DHDDS: variants seen among roughly 807,000 people sequenced by gnomAD.
DHDDS encodes dehydrodolichyl diphosphate synthase complex subunit DHDDS.
A neutral mutation model predicts 46.2 loss-of-function variants in DHDDS; 16 were observed. The ratio of observed to expected loss-of-function variants is 0.35; its 90% CI spans 0.23 to 0.53. DHDDS has a LOEUF of 0.53. Ranked by LOEUF, DHDDS falls within the 20% of genes least tolerant of loss-of-function variation. The pLI is 0.94. For missense variants in DHDDS, 340 were observed against 423.7 expected (o/e 0.80, Z 1.73); for synonymous variants, 151 against 163.1 (o/e 0.93, Z 0.56).
intron 8 of DHDDS, among the ~76,000 whole-genome samples, chr1:26,461,387 T>C (rs2075420279): frequency 6.6e-6 from 1 of 150,894 alleles, no homozygotes; most frequent in Admixed American, 6.6e-5. Context: ...AGAATACTTT[T>C]TTTTTTTTTT....
chr1:26,450,418 A>C (rs1023154556), intron 6 of DHDDS, among the ~76,000 whole-genome samples: 3 of 152,192 alleles, frequency 2.0e-5, no homozygotes, highest in African/African-American at 7.2e-5. Context: ...AAATGCTGAG[A>C]TTACAGGTGT....
chr1:26,464,046 A>G, intron 8 of DHDDS, among the ~76,000 whole-genome samples: 1 of 138,156 alleles, frequency 7.2e-6, no homozygotes. Context: ...TCGCTGGAGA[A>G]CAGTGGCATG....
At chr1:26,462,769 A>G (rs952448224) in intron 8 of DHDDS, 7 of 152,206 alleles carry the variant, frequency 4.6e-5, no homozygotes, top group African/African-American at 1.2e-4. Flanking sequence ...CATTCATTCC[A>G]TAAGTATTTA....
chr1:26,444,807 T>G (rs2075252626), intron 4 of DHDDS, among the ~76,000 whole-genome samples: 1 of 152,076 alleles, frequency 6.6e-6, no homozygotes, highest in East Asian at 1.9e-4. Flanking sequence ...AGACAAGAGC[T>G]TACACATGGT....
rs193161008 is a variant in DHDDS, at chr1:26,457,650, C to G, written c.543-141C>G. On this transcript the variant is annotated intron_variant, in intron 6 of 8. Transcript: ENST00000236342. ...AATTTAGCAAACATTTTTTGAGGGCCTTCTGTGTAGTATTGGCTAGTGTAT... is the reference window on the plus strand; with the variant it reads ...AATTTAGCAAACATTTTTTGAGGGCGTTCTGTGTAGTATTGGCTAGTGTAT... 8.7e-4 allele frequency: 568 copies of G among 652,052 alleles called. 2 individuals carry two copies. The African/African-American group carries it at 9.7e-3, about 11-fold the overall frequency. The allele number at this position is 652,052 out of a possible 1,614,324, so 40.4% of individuals were successfully genotyped here.
Position 26,469,472 on chromosome 1 carries a change from A to AG in DHDDS, c.*344dup, listed in dbSNP as rs2075530615. On this transcript the variant is annotated 3_prime_UTR_variant, in exon 9 of 9. Transcript: ENST00000236342. ...CACATCCTTCAACACACAGAATTTC[A>AG]GGGAAGAGTTCTCCCCAAAACCCTA... 3 of 412,488 alleles carry AG rather than the reference A, an allele frequency of 7.3e-6. No individual in the cohort carries two copies. The highest frequency in any genetic ancestry group is 1.4e-5 in the Non-Finnish European group (3 of 217,882). 25.6% of individuals were successfully genotyped at this position (412,488 alleles called of 1,614,324 possible).
intron 8 of DHDDS, among the ~76,000 whole-genome samples, chr1:26,465,603 G>A (rs545694096): frequency 6.6e-6 from 1 of 152,336 alleles, no homozygotes; most frequent in Non-Finnish European, 1.5e-5. Flanking sequence ...CTACCTTGCA[G>A]GTTTGTGATA....
In DHDDS at chr1:26,470,562, C is replaced by G. The variant is rs867968139; in HGVS notation, c.*1431C>G. On this transcript the variant is annotated 3_prime_UTR_variant, in exon 9 of 9. Coordinates refer to ENST00000236342, the MANE Select transcript of DHDDS (RefSeq NM_205861.3). Reference sequence around the variant, plus strand: ...ACCCCTAACTTTCCTATACCCCACCCGCCTCTTCCCCTTTCTGTCCCGGGA... The same window carrying G: ...ACCCCTAACTTTCCTATACCCCACCGGCCTCTTCCCCTTTCTGTCCCGGGA... 1 of 152,476 alleles carries G rather than the reference C, an allele frequency of 6.6e-6. No homozygotes were observed. Among genetic ancestry groups the G allele is most frequent in the African/African-American group, 2.4e-5 (1 of 41,430 alleles). The allele number at this position is 152,476 out of a possible 1,614,324, so 9.4% of individuals were successfully genotyped here.
intron 8 of DHDDS, among the ~76,000 whole-genome samples, chr1:26,463,222 G>T (rs2075443408): frequency 6.6e-6 from 1 of 152,206 alleles, no homozygotes. Flanking sequence ...AGTAGTCCAG[G>T]TGAGAGAGGA....
chr1:26,457,341 C>T (rs1382617580), intron 6 of DHDDS, among the ~76,000 whole-genome samples: 7 of 149,788 alleles, frequency 4.7e-5, no homozygotes, highest in East Asian at 3.9e-4. Context: ...GGTGTGGTGG[C>T]GGGCACCTGT....
At chr1:26,441,117 G>C (rs888330816) in intron 3 of DHDDS, among the ~76,000 whole-genome samples, 1 of 151,890 alleles carries the variant, frequency 6.6e-6, no homozygotes, top group Non-Finnish European at 1.5e-5. Context: ...TAGAGACGGG[G>C]TTTCACCACG....
chr1:26,459,976 G>T, intron 7 of DHDDS, 61 bp from the exon 8 acceptor site: 1 of 1,378,840 alleles, frequency 7.3e-7, no homozygotes, highest in South Asian at 1.2e-5. Context: ...CTGGAGGACT[G>T]ACCAGGGATG....
chr1:26,458,775 T>C (rs1393935793), intron 7 of DHDDS, among the ~76,000 whole-genome samples: 2 of 147,330 alleles, frequency 1.4e-5, no homozygotes, highest in South Asian at 2.1e-4. Context: ...ATAAGTACAA[T>C]GTGCACCTAT....
chr1:26,461,361 TATC>T (rs1056691346), intron 8 of DHDDS, among the ~76,000 whole-genome samples: 4 of 151,928 alleles, frequency 2.6e-5, no homozygotes, highest in Admixed American at 6.6e-5. Flanking sequence ...ATTGTAAACT[TATC>T]ATGGAAACAC....
At chr1:26,462,140 CT>C (rs2075429963) in intron 8 of DHDDS, among the ~76,000 whole-genome samples, 5 of 151,634 alleles carry the variant, frequency 3.3e-5, no homozygotes, top group African/African-American at 1.2e-4. Context: ...TTACTTCAGC[CT>C]CCCAAGTAGC....
At chr1:26,432,661 A>C in intron 1 of DHDDS, 1 of 481,862 alleles carries the variant, frequency 2.1e-6, no homozygotes, top group Non-Finnish European at 3.8e-6. Flanking sequence ...GATACGGAGG[A>C]AATGGGAATG....
At chr1:26,433,114 A>G in intron 2 of DHDDS, 106 bp downstream of exon 2, 1 of 1,220,142 alleles carries the variant, frequency 8.2e-7, no homozygotes, top group Non-Finnish European at 1.2e-6. Context: ...CATGATGTTA[A>G]GTGGAATTTA....
At position 26,446,414 on chromosome 1, in the gene DHDDS, C is replaced by T. The variant is rs376339020; in HGVS notation, c.422C>T (p.Ala141Val). The T allele has an allele frequency of 6.2e-6, 10 of 1,613,682 alleles. No homozygotes were observed. The highest frequency in any genetic ancestry group is 8.5e-6 in the Non-Finnish European group (10 of 1,179,804). The change falls in exon 5 of 9, where the codon GCC becomes GTC. Residue 141 changes from alanine (A) to valine (V), a missense_variant. Physicochemically the swap from Ala to Val is moderately conservative, Grantham distance 64. Coordinates refer to ENST00000236342, the MANE Select transcript of DHDDS (RefSeq NM_205861.3). ...LQELIAQAVQ[A>V]TKNYNKCFLN... ...GAGCTGATTGCACAAGCTGTACAGG[C>T]CACGAAGAACTACAACAAGTAAGTT...
chr1:26,469,651 T>A lies in DHDDS; in HGVS notation c.*520T>A. ...AGAAAATTTGCCCATCTGCTGCTCC[T>A]CCCCCTTGGCTCTCCACCTGGGATT... On this transcript the variant is annotated 3_prime_UTR_variant, in exon 9 of 9. Transcript: ENST00000236342. 3.6e-5 allele frequency: 8 copies of A among 225,198 alleles called. No individual in the cohort carries two copies. Among genetic ancestry groups the A allele is most frequent in the Admixed American group, 1.0e-4 (2 of 19,388 alleles). 13.9% of individuals were successfully genotyped at this position (225,198 alleles called of 1,614,324 possible).
Sources: gnomAD v4.1 joint callset for allele counts (sites outside exome capture counted in the v4.1 genomes callset) on GRCh38, gnomAD v4.1.1 for gene constraint, MANE v1.5 for transcripts, NCBI Gene and HGNC (gene_info 2026-07-23, HGNC 2026-07-21) for gene names.